RBFOX1: variants seen among roughly 807,000 people sequenced by gnomAD.
The protein encoded by RBFOX1 is RNA binding protein fox-1 homolog 1.
Under a neutral mutation model 57.7 loss-of-function variants are expected in RBFOX1, and 8 were observed. The ratio of observed to expected loss-of-function variants is 0.14; its 90% confidence interval spans 0.08 to 0.25. RBFOX1 has a LOEUF of 0.25. RBFOX1 is among the 10% of genes least tolerant of loss of function. The pLI is 1.00. For missense variants in RBFOX1, 611 were observed against 548.5 expected (o/e 1.11, Z -1.14); for synonymous variants, 326 against 222.4 (o/e 1.47, Z -4.15).
intron 2 of RBFOX1, among the ~76,000 whole-genome samples, chr16:6,560,815 A>T (rs2097170379): frequency 1.3e-5 from 2 of 152,178 alleles, no homozygotes; most frequent in South Asian, 4.1e-4. Context: ...GTACTGTCTG[A>T]CTTGCTCTTC....
At chr16:6,862,465 A>G (rs2059187127) in intron 3 of RBFOX1, among the ~76,000 whole-genome samples, 1 of 152,194 alleles carries the variant, frequency 6.6e-6, no homozygotes, top group Non-Finnish European at 1.5e-5. Flanking sequence ...GTTATTAGCA[A>G]TATTACAGTT....
chr16:7,606,268 C>T (rs1417014734), intron 9 of RBFOX1, among the ~76,000 whole-genome samples: 2 of 151,796 alleles, frequency 1.3e-5, no homozygotes, highest in Admixed American at 1.3e-4. Context: ...ATTACAGGTG[C>T]CCACTATGAT....
chr16:7,020,674 C>G (rs1039523518), intron 3 of RBFOX1, among the ~76,000 whole-genome samples: 8 of 152,122 alleles, frequency 5.3e-5, no homozygotes, highest in African/African-American at 1.9e-4. Context: ...TGACATTGGA[C>G]ACTGTCTGTG....
chr16:7,356,448 C>G (rs755921340), intron 4 of RBFOX1, among the ~76,000 whole-genome samples: 1 of 152,098 alleles, frequency 6.6e-6, no homozygotes, highest in African/African-American at 2.4e-5. Flanking sequence ...AAGAAAGTGA[C>G]TGGAGAGTGT....
At chr16:6,975,566 C>T (rs139262744) in intron 3 of RBFOX1, among the ~76,000 whole-genome samples, 146 of 152,186 alleles carry the variant, frequency 9.6e-4, no homozygotes, top group African/African-American at 3.4e-3. Context: ...TGCACCTGGC[C>T]GCAAGTGCCC....
intron 2 of RBFOX1, among the ~76,000 whole-genome samples, chr16:6,585,572 G>A (rs1567778172): frequency 1.3e-5 from 2 of 152,170 alleles, no homozygotes; most frequent in East Asian, 1.9e-4. Context: ...AATTCACTGC[G>A]GTGGGCTGGG....
At chr16:5,912,266 A>G (rs758630618) in intron 4 of RBFOX1, among the ~76,000 whole-genome samples, 7 of 152,150 alleles carry the variant, frequency 4.6e-5, no homozygotes, top group Admixed American at 2.0e-4. Context: ...ATGAGGCAAG[A>G]CCTGTCAGTT....
rs560179880 is a variant in RBFOX1 at position 7,281,483 on chromosome 16, C to G, written c.27+229385C>G. 4.7e-4 allele frequency among the ~76,000 whole-genome samples: 72 copies of G among 152,102 alleles called. 1 individual carries two copies. The highest frequency in any genetic ancestry group is 1.6e-3 in the African/African-American group (65 of 41,486). On this transcript the variant is annotated intron_variant, in intron 4 of 15. Coordinates refer to ENST00000550418, the MANE Select transcript of RBFOX1 (RefSeq NM_018723.4). Reference sequence around the variant, plus strand: ...GATAGTTCTAACACTGTATATCTCTCCCAAGTTTGTAGTGAAAAAGGATTG... The same window carrying G: ...GATAGTTCTAACACTGTATATCTCTGCCAAGTTTGTAGTGAAAAAGGATTG...
intron 3 of RBFOX1, among the ~76,000 whole-genome samples, chr16:5,856,575 G>GTGTGTATATATATATATATATATATA (rs1192496608): frequency 6.1e-5 from 2 of 32,918 alleles, no homozygotes; most frequent in African/African-American, 2.5e-4. Flanking sequence ...GTGTGTGTGT[G>GTGTGTATATATATATATATATATATA]TATATATATA....
chr16:5,363,947 T>G lies in RBFOX1; in HGVS notation c.220-103269T>G, dbSNP rs562107374. Among the ~76,000 whole-genome samples the G allele has an allele frequency of 1.3e-3, 204 of 152,328 alleles. 6 individuals are homozygous for G. The South Asian group carries it at 0.041, about 30-fold the overall frequency. Reference sequence around the variant, plus strand: ...TGGAACCACAACTCCAGCTGGTCTCTGCTTTGCCATCTAGTCAGATCCTTC... The same window carrying G: ...TGGAACCACAACTCCAGCTGGTCTCGGCTTTGCCATCTAGTCAGATCCTTC... On this transcript the variant is annotated intron_variant, in intron 1 of 2. Coordinates refer to the RBFOX1 transcript ENST00000585867.
intron 3 of RBFOX1, among the ~76,000 whole-genome samples, chr16:6,749,320 A>G (rs138382186): frequency 1.3e-3 from 198 of 152,300 alleles, no homozygotes; most frequent in African/African-American, 4.4e-3. Flanking sequence ...ACAGATGCAC[A>G]CAGGACGCAT....
chr16:5,364,524 A>G (rs189419079), intron 1 of RBFOX1, among the ~76,000 whole-genome samples: 1 of 152,314 alleles, frequency 6.6e-6, no homozygotes, highest in African/African-American at 2.4e-5. Flanking sequence ...GGCAATAGGG[A>G]CGTCCTTCTA....
intron 1 of RBFOX1, among the ~76,000 whole-genome samples, chr16:6,055,948 C>T (rs1475779220): frequency 1.3e-5 from 2 of 152,030 alleles, no homozygotes; most frequent in African/African-American, 2.4e-5. Context: ...TATTTCTTTC[C>T]TAATATATGA....
chr16:7,440,778 T>C (rs1250526207), intron 4 of RBFOX1, among the ~76,000 whole-genome samples: 1 of 152,178 alleles, frequency 6.6e-6, no homozygotes, highest in East Asian at 1.9e-4. Flanking sequence ...CCTCTTCAAC[T>C]TCATCCCTTC....
chr16:6,348,616 A>T (rs1402022644), intron 2 of RBFOX1, among the ~76,000 whole-genome samples: 1 of 152,172 alleles, frequency 6.6e-6, no homozygotes, highest in East Asian at 1.9e-4. Context: ...GGCCTCAGGG[A>T]GCTTTTACTC....
At chr16:5,490,306 A>T (rs1301277236) in intron 2 of RBFOX1, among the ~76,000 whole-genome samples, 1 of 152,144 alleles carries the variant, frequency 6.6e-6, no homozygotes, top group Non-Finnish European at 1.5e-5. Flanking sequence ...CCTCATTGCA[A>T]CCCCACGATG....
intron 4 of RBFOX1, among the ~76,000 whole-genome samples, chr16:7,405,391 T>A (rs529092305): frequency 1.3e-5 from 2 of 152,194 alleles, no homozygotes; most frequent in Non-Finnish European, 2.9e-5. Flanking sequence ...TGCAGTTTTT[T>A]CCCTGTTCCA....
chr16:7,413,635 A>G (rs767076568), intron 4 of RBFOX1, among the ~76,000 whole-genome samples: 8 of 152,024 alleles, frequency 5.3e-5, no homozygotes, highest in African/African-American at 7.2e-5. Flanking sequence ...TGCTATTCCC[A>G]GGCACTGGTT....
At chr16:5,520,682 T>G (rs760647411) in intron 2 of RBFOX1, among the ~76,000 whole-genome samples, 6 of 152,222 alleles carry the variant, frequency 3.9e-5, no homozygotes, top group Admixed American at 6.5e-5. Flanking sequence ...CTGTATATGC[T>G]CGTCTCACCA....
Sources: allele counts gnomAD v4.1 joint callset (sites outside exome capture counted in the v4.1 genomes callset), GRCh38; gene constraint gnomAD v4.1.1; transcripts MANE v1.5; gene names NCBI Gene and HGNC (gene_info 2026-07-23, HGNC 2026-07-21).